Variants in ATP6V1C1 observed in about 807,000 individuals in gnomAD.
The protein encoded by ATP6V1C1 is ATPase H+ transporting V1 subunit C1, also known as V-type proton ATPase subunit C 1.
In ATP6V1C1, 45 loss-of-function variants were observed where a neutral mutation model predicts 53.9. The observed-to-expected ratio is 0.83, with a 90% CI of 0.66 to 1.07. ATP6V1C1 has a LOEUF of 1.07. Among genes scored for constraint, ATP6V1C1 ranks in the 50% least tolerant of loss-of-function variants. The pLI, the probability that ATP6V1C1 is intolerant of heterozygous loss-of-function variation, is 0.00. For synonymous variants in ATP6V1C1, 153 were observed against 155.2 expected (o/e 0.99, Z 0.11); for missense variants, 315 against 440.3 (o/e 0.72, Z 2.55).
chr8:103,066,812 A>G (rs117875892), intron 12 of ATP6V1C1, among the ~76,000 whole-genome samples: 2,103 of 152,248 alleles, frequency 0.014, 27 homozygotes, highest in Middle Eastern at 0.058. Context: ...GATAGAGTCA[A>G]TAGATGAGTA....
chr8:103,058,940 A>G (rs562550769), intron 8 of ATP6V1C1, among the ~76,000 whole-genome samples: 81 of 151,064 alleles, frequency 5.4e-4, no homozygotes, highest in Non-Finnish European at 7.2e-4. Flanking sequence ...ACTGTTCAGA[A>G]AGAGGTGCTT....
chr8:103,064,552 G>A, intron 10 of ATP6V1C1, 162 bp from the exon 11 acceptor site: 1 of 543,906 alleles, frequency 1.8e-6, no homozygotes, highest in East Asian at 3.1e-5. Context: ...TTTAAGATAA[G>A]GTATCTGAGA....
At chr8:103,048,526 G>A (rs943058189) in intron 3 of ATP6V1C1, among the ~76,000 whole-genome samples, 1 of 152,132 alleles carries the variant, frequency 6.6e-6, no homozygotes, top group South Asian at 2.1e-4. Context: ...CTCCTCCTTT[G>A]TTCTCAGTCC....
intron 3 of ATP6V1C1, among the ~76,000 whole-genome samples, chr8:103,044,477 T>G (rs988188484): frequency 2.0e-5 from 3 of 152,202 alleles, no homozygotes; most frequent in Non-Finnish European, 4.4e-5. Context: ...CACCATTTGT[T>G]GAAAAGACTG....
At chr8:103,061,534 A>G (rs1170719559) in intron 8 of ATP6V1C1, among the ~76,000 whole-genome samples, 3 of 152,162 alleles carry the variant, frequency 2.0e-5, no homozygotes, top group Non-Finnish European at 4.4e-5. Context: ...CCACATTGTA[A>G]AACTGAACAT....
At chr8:103,050,124 A>G (rs1198898946) in intron 4 of ATP6V1C1, among the ~76,000 whole-genome samples, 1 of 152,254 alleles carries the variant, frequency 6.6e-6, no homozygotes, top group Non-Finnish European at 1.5e-5. Flanking sequence ...TTAAAAATGT[A>G]GTAACTTATT....
At chr8:103,032,364 C>CT (rs1816813976) in intron 1 of ATP6V1C1, among the ~76,000 whole-genome samples, 1 of 152,228 alleles carries the variant, frequency 6.6e-6, no homozygotes, top group African/African-American at 2.4e-5. Flanking sequence ...GCCAAGAACA[C>CT]TAAGTGTTGG....
At chr8:103,032,176 T>G (rs1486002153) in intron 1 of ATP6V1C1, among the ~76,000 whole-genome samples, 1 of 152,184 alleles carries the variant, frequency 6.6e-6, no homozygotes, top group African/African-American at 2.4e-5. Flanking sequence ...CATATAAAAA[T>G]TTTGTGCAAC....
chr8:103,024,323 T>C (rs559434914), intron 1 of ATP6V1C1, among the ~76,000 whole-genome samples: 23 of 152,326 alleles, frequency 1.5e-4, no homozygotes, highest in African/African-American at 4.8e-4. Flanking sequence ...TATATTAGTC[T>C]TAGGAGCCTC....
In ATP6V1C1 at chr8:103,054,911, C is replaced by T. The variant is rs554911452; in HGVS notation, c.572+929C>T. 9.9e-5 allele frequency among the ~76,000 whole-genome samples: 15 copies of T among 152,106 alleles called. 1 individual carries two copies. In the South Asian group the frequency reaches 3.1e-3, roughly 32 times the overall value. On this transcript the variant is annotated intron_variant, in intron 7 of 12. Transcript: ENST00000518738. ...TTTGGAGTACTAGAAAATGATGCCT[C>T]CATGGAATTTACAGTGGCTACAGTA...
chr8:103,064,537 T>C, intron 10 of ATP6V1C1, 177 bp from the exon 11 acceptor site: 1 of 508,216 alleles, frequency 2.0e-6, no homozygotes, highest in East Asian at 3.2e-5. Flanking sequence ...AACCTTTTAA[T>C]CTAATTTAAG....
At chr8:103,043,392 G>A (rs554595327) in intron 3 of ATP6V1C1, among the ~76,000 whole-genome samples, 2 of 151,898 alleles carry the variant, frequency 1.3e-5, no homozygotes, top group South Asian at 2.1e-4. Flanking sequence ...GCATGATCTC[G>A]TCTCACTGCA....
intron 7 of ATP6V1C1, 64 bp from the exon 8 acceptor site, chr8:103,055,803 TC>T: frequency 6.1e-6 from 9 of 1,468,030 alleles, no homozygotes; most frequent in Non-Finnish European, 8.5e-6. Context: ...TTTTTTCTCT[TC>T]CTGGATATGG....
Position 103,071,437 on chromosome 8 carries a change from A to T in ATP6V1C1, c.*2690A>T, listed in dbSNP as rs1817585406. 6.6e-6 allele frequency: 1 copy of T among 152,092 alleles called. No homozygotes were observed. 9.4% of individuals were successfully genotyped at this position (152,092 alleles called of 1,614,324 possible). ...GAGTCACAAATCTTGAGCCAGTCAG[A>T]ATTTGAACCTAAGATTTTTGACTGC... On this transcript the variant is annotated 3_prime_UTR_variant, in exon 13 of 13. Coordinates refer to ENST00000518738, the MANE Select transcript of ATP6V1C1 (RefSeq NM_001695.5).
Position 103,069,455 on chromosome 8 carries a change from G to A in ATP6V1C1, c.*708G>A, listed in dbSNP as rs905990012. The A allele has an allele frequency of 1.1e-4, 16 of 152,180 alleles. No homozygotes were observed. Among genetic ancestry groups the A allele is most frequent in the African/African-American group, 3.4e-4 (14 of 41,432 alleles). The allele number at this position is 152,180 out of a possible 1,614,324, so 9.4% of individuals were successfully genotyped here. ...CAAATTTGGGTCAGAACACAAATTT[G>A]AAGATGACTTTTCAGTATATGATGG... On this transcript the variant is annotated 3_prime_UTR_variant, in exon 13 of 13. Coordinates refer to ENST00000518738, the MANE Select transcript of ATP6V1C1 (RefSeq NM_001695.5).
chr8:103,024,832 C>A (rs537320895), intron 1 of ATP6V1C1, among the ~76,000 whole-genome samples: 1 of 152,126 alleles, frequency 6.6e-6, no homozygotes, highest in African/African-American at 2.4e-5. Flanking sequence ...AATTTTTTAT[C>A]CAGCAGGACA....
chr8:103,047,426 G>A (rs543166068), intron 3 of ATP6V1C1, among the ~76,000 whole-genome samples: 7 of 52,884 alleles, frequency 1.3e-4, no homozygotes, highest in South Asian at 1.3e-3. Flanking sequence ...AAAAAAATGC[G>A]CGCGCACACA....
intron 3 of ATP6V1C1, among the ~76,000 whole-genome samples, chr8:103,044,043 A>G (rs1445918923): frequency 1.3e-5 from 2 of 151,820 alleles, no homozygotes; most frequent in Non-Finnish European, 2.9e-5. Context: ...TCCCTGCCAC[A>G]ATGCGCAGCT....
intron 2 of ATP6V1C1, 54 bp downstream of exon 2, chr8:103,041,022 A>T: frequency 1.3e-6 from 2 of 1,548,680 alleles, no homozygotes; most frequent in Admixed American, 3.7e-5. Flanking sequence ...GGGGAGGGCC[A>T]GTTCTCTCTT....
Sources: gnomAD v4.1 joint callset for allele counts (sites outside exome capture counted in the v4.1 genomes callset) on GRCh38, gnomAD v4.1.1 for gene constraint, MANE v1.5 for transcripts, NCBI Gene and HGNC (gene_info 2026-07-23, HGNC 2026-07-21) for gene names.